Variants in TSPAN5 observed in about 807,000 individuals in gnomAD.
TSPAN5 encodes tetraspanin-5.
TSPAN5 carries 10 observed loss-of-function variants against 37.1 expected under a neutral mutation model. The ratio of observed to expected loss-of-function variants is 0.27; its 90% CI spans 0.17 to 0.46. The LOEUF is 0.46. Among genes scored for constraint, TSPAN5 ranks in the 20% least tolerant of loss-of-function variants. TSPAN5 has a pLI of 1.00. For synonymous variants in TSPAN5, 110 were observed against 118.9 expected (o/e 0.93, Z 0.48); for missense variants, 195 against 326.6 (o/e 0.60, Z 3.11).
At chr4:98,588,009 C>T (rs1304808571) in intron 1 of TSPAN5, among the ~76,000 whole-genome samples, 1 of 152,172 alleles carries the variant, frequency 6.6e-6, no homozygotes, top group African/African-American at 2.4e-5. Flanking sequence ...GTTCACTACA[C>T]TTCTTGCCCT....
chr4:98,478,866 A>G, intron 4 of TSPAN5, 56 bp from the exon 5 acceptor site: 1 of 1,597,580 alleles, frequency 6.3e-7, no homozygotes, highest in Admixed American at 1.7e-5. Flanking sequence ...GCAGTCACCT[A>G]CACTCACACC....
At chr4:98,539,878 TTCTC>T (rs201071598) in intron 1 of TSPAN5, among the ~76,000 whole-genome samples, 1 of 151,720 alleles carries the variant, frequency 6.6e-6, no homozygotes, top group Non-Finnish European at 1.5e-5. Context: ...CTAGTGCGTG[TTCTC>T]TCTCTCTCTC....
chr4:98,490,117 T>C (rs1180254774), intron 2 of TSPAN5, among the ~76,000 whole-genome samples: 2 of 152,236 alleles, frequency 1.3e-5, no homozygotes, highest in African/African-American at 4.8e-5. Flanking sequence ...CCATTTTTAA[T>C]GGGCTTTTTA....
At chr4:98,612,320 C>T (rs772673854) in intron 1 of TSPAN5, among the ~76,000 whole-genome samples, 5 of 152,064 alleles carry the variant, frequency 3.3e-5, no homozygotes, top group African/African-American at 4.8e-5. Context: ...TGAATGAAGG[C>T]TTACAGCCCA....
At position 98,470,848 on chromosome 4, in the gene TSPAN5, AT is replaced by A. The variant is rs1382120742; in HGVS notation, c.*1673del. ...CACCACCATGCACCATGGGGCTGAA[AT>A]GGAAAACCTCGCTTAATTTCCACAA... On this transcript the variant is annotated 3_prime_UTR_variant, in exon 8 of 8. Coordinates refer to ENST00000305798, the MANE Select transcript of TSPAN5 (RefSeq NM_005723.4). 3 of 152,234 alleles carry A rather than the reference AT, an allele frequency of 2.0e-5. No homozygotes were observed. Among genetic ancestry groups the A allele is most frequent in the Non-Finnish European group, 4.4e-5 (3 of 68,044 alleles). 9.4% of individuals were successfully genotyped at this position (152,234 alleles called of 1,614,324 possible).
intron 1 of TSPAN5, among the ~76,000 whole-genome samples, chr4:98,625,945 G>C (rs1756590190): frequency 6.6e-6 from 1 of 152,068 alleles, no homozygotes; most frequent in Non-Finnish European, 1.5e-5. Context: ...ATGTTTATGA[G>C]AAATAAAGCA....
intron 1 of TSPAN5, among the ~76,000 whole-genome samples, chr4:98,542,880 C>T (rs1754391467): frequency 6.6e-6 from 1 of 152,096 alleles, no homozygotes; most frequent in Non-Finnish European, 1.5e-5. Flanking sequence ...CTAGGTCCAC[C>T]TTAAAAAAAT....
chr4:98,557,475 C>G (rs1406221595), intron 1 of TSPAN5, among the ~76,000 whole-genome samples: 3 of 152,214 alleles, frequency 2.0e-5, no homozygotes, highest in Non-Finnish European at 2.9e-5. Context: ...CATCAGACCA[C>G]ATTTGTAAGT....
Position 98,658,383 on chromosome 4 carries a change from G to T in TSPAN5, c.-157C>A. ...CTCAGCCGCGCGGGGACCGACCGGC[G>T]GAGAGCGGCTCCCGCACCTCCAGCC... On this transcript the variant is annotated 5_prime_UTR_variant, in exon 1 of 8. Coordinates refer to ENST00000305798, the MANE Select transcript of TSPAN5 (RefSeq NM_005723.4). 1 of 484,390 alleles carries T rather than the reference G, an allele frequency of 2.1e-6. No homozygotes were observed. Among genetic ancestry groups the T allele is most frequent in the Non-Finnish European group, 3.5e-6 (1 of 284,630 alleles). 30.0% of individuals were successfully genotyped at this position (484,390 alleles called of 1,614,324 possible).
intron 1 of TSPAN5, among the ~76,000 whole-genome samples, chr4:98,545,984 A>T (rs1754461397): frequency 6.6e-6 from 1 of 151,492 alleles, no homozygotes; most frequent in Admixed American, 6.6e-5. Context: ...GTAACATTGA[A>T]CAAATGTTTG....
At chr4:98,625,443 A>T (rs1486212641) in intron 1 of TSPAN5, among the ~76,000 whole-genome samples, 9 of 152,354 alleles carry the variant, frequency 5.9e-5, no homozygotes, top group African/African-American at 2.2e-4. Context: ...CAGTTAATCA[A>T]GGTAAGACTT....
chr4:98,636,560 T>C (rs564440734), intron 1 of TSPAN5, among the ~76,000 whole-genome samples: 72 of 152,210 alleles, frequency 4.7e-4, no homozygotes, highest in Non-Finnish European at 7.4e-4. Flanking sequence ...ATTATAACAA[T>C]GCAAGTGAGA....
At chr4:98,497,820 G>A (rs977192092) in intron 2 of TSPAN5, among the ~76,000 whole-genome samples, 1 of 152,116 alleles carries the variant, frequency 6.6e-6, no homozygotes, top group Non-Finnish European at 1.5e-5. Flanking sequence ...GGGTGTTATG[G>A]GGGTGCATGG....
intron 1 of TSPAN5, among the ~76,000 whole-genome samples, chr4:98,640,494 T>C (rs1756942288): frequency 6.6e-6 from 1 of 151,968 alleles, no homozygotes. Flanking sequence ...AGGTAAGACA[T>C]AAGAAATGTT....
At chr4:98,509,606 G>T (rs1753559832) in intron 1 of TSPAN5, among the ~76,000 whole-genome samples, 1 of 152,072 alleles carries the variant, frequency 6.6e-6, no homozygotes, top group African/African-American at 2.4e-5. Flanking sequence ...CTCTTATAGG[G>T]GACTCCTTGG....
chr4:98,543,582 A>AT (rs200533627), intron 1 of TSPAN5, among the ~76,000 whole-genome samples: 6,823 of 150,544 alleles, frequency 0.045, 214 homozygotes, highest in Non-Finnish European at 0.066. Context: ...CGCCAGGCTA[A>AT]TTTTTTTTTG....
intron 1 of TSPAN5, among the ~76,000 whole-genome samples, chr4:98,607,877 A>G (rs1756076948): frequency 6.6e-6 from 1 of 151,888 alleles, no homozygotes; most frequent in Admixed American, 6.6e-5. Context: ...TGCCCAGCTA[A>G]TGTTTGTATT....
chr4:98,497,508 A>G (rs920006200), intron 2 of TSPAN5, among the ~76,000 whole-genome samples: 2 of 152,100 alleles, frequency 1.3e-5, no homozygotes. Flanking sequence ...TAAGCCACCC[A>G]GTCTATAGTA....
chr4:98,548,173 A>G (rs1754515590), intron 1 of TSPAN5, among the ~76,000 whole-genome samples: 1 of 152,152 alleles, frequency 6.6e-6, no homozygotes, highest in African/African-American at 2.4e-5. Flanking sequence ...TCTAGTATGT[A>G]TCACCTTTCC....
Sources: gnomAD v4.1 joint callset for allele counts (sites outside exome capture counted in the v4.1 genomes callset) on GRCh38, gnomAD v4.1.1 for gene constraint, MANE v1.5 for transcripts, NCBI Gene and HGNC (gene_info 2026-07-23, HGNC 2026-07-21) for gene names.